MYO1B: variants seen among roughly 807,000 people sequenced by gnomAD.
MYO1B encodes unconventional myosin-Ib.
MYO1B carries 72 observed loss-of-function variants against 159.7 expected under a neutral mutation model. The ratio of observed to expected loss-of-function variants is 0.45; its 90% CI spans 0.37 to 0.55. The LOEUF (loss-of-function observed/expected upper bound fraction) is 0.55, where lower values mean the gene tolerates loss of function less well. MYO1B is among the 20% of genes least tolerant of loss of function. MYO1B has a pLI of 0.00. For synonymous variants in MYO1B, 468 were observed against 473.8 expected, an observed-to-expected ratio of 0.99 and a Z score of 0.16; for missense variants, 1,062 against 1,364.8, an observed-to-expected ratio of 0.78 and a Z score of 3.50.
At chr2:191,386,219 A>G (rs1695392002) in intron 16 of MYO1B, 135 bp downstream of exon 16, 1 of 729,704 alleles carries the variant, frequency 1.4e-6, no homozygotes. Flanking sequence ...TGAATCGATA[A>G]ATGTTCAATA....
intron 13 of MYO1B, among the ~76,000 whole-genome samples, chr2:191,378,253 G>A (rs1694832578): frequency 6.6e-6 from 1 of 152,074 alleles, no homozygotes; most frequent in Non-Finnish European, 1.5e-5. Context: ...GGGTGGATGT[G>A]GACCTTGGAT....
At chr2:191,400,500 T>G in intron 22 of MYO1B, 32 bp downstream of exon 22, 2 of 1,610,198 alleles carry the variant, frequency 1.2e-6, no homozygotes, top group Non-Finnish European at 1.7e-6. Context: ...AGGCGGTGGG[T>G]CAGCAGTAAC....
intron 1 of MYO1B, among the ~76,000 whole-genome samples, chr2:191,273,204 C>T (rs1020754503): frequency 1.4e-4 from 21 of 152,226 alleles, no homozygotes; most frequent in East Asian, 7.7e-4. Flanking sequence ...CTGCAACCTC[C>T]ACTTCCTGGG....
At chr2:191,352,187 TG>T (rs1488082664) in intron 7 of MYO1B, among the ~76,000 whole-genome samples, 1 of 152,234 alleles carries the variant, frequency 6.6e-6, no homozygotes, top group Admixed American at 6.5e-5. Flanking sequence ...ATATGGCAGC[TG>T]ATCAGAGCTA....
chr2:191,371,734 G>C (rs1320629716), intron 13 of MYO1B, among the ~76,000 whole-genome samples: 1 of 152,154 alleles, frequency 6.6e-6, no homozygotes, highest in Non-Finnish European at 1.5e-5. Context: ...AATAAATGTG[G>C]TAAGTCTCTG....
At chr2:191,398,821 A>G (rs1196191269) in intron 21 of MYO1B, among the ~76,000 whole-genome samples, 2 of 141,848 alleles carry the variant, frequency 1.4e-5, no homozygotes, top group African/African-American at 5.3e-5. Context: ...CTCCCAGACG[A>G]TGGGCGGCCA....
chr2:191,368,562 T>C lies in MYO1B; in HGVS notation c.1033-980T>C, dbSNP rs923887896. Among the ~76,000 whole-genome samples the C allele has an allele frequency of 2.0e-5, 3 of 152,232 alleles. No individual in the cohort carries two copies. The East Asian group carries it at 5.8e-4, about 29-fold the overall frequency. ...GAGTCATAGAGATGCATATGTCTTC[T>C]GCCTCTTTGTCAAGTAGTTCTGAAT... On this transcript the variant is annotated intron_variant, in intron 11 of 30. Coordinates refer to ENST00000392318, the MANE Select transcript of MYO1B (RefSeq NM_001130158.3).
At chr2:191,375,502 T>TAGAC (rs1553556419) in intron 13 of MYO1B, among the ~76,000 whole-genome samples, 3 of 151,924 alleles carry the variant, frequency 2.0e-5, no homozygotes, top group Admixed American at 2.0e-4. Flanking sequence ...GATAGATAGA[T>TAGAC]AGATAGATAG....
At chr2:191,297,306 G>GCA (rs1689041723) in intron 3 of MYO1B, among the ~76,000 whole-genome samples, 1 of 152,188 alleles carries the variant, frequency 6.6e-6, no homozygotes, top group South Asian at 2.1e-4. Context: ...ATTGTCAGTT[G>GCA]CTGCAAGGGG....
chr2:191,417,692 T>C (rs1229665956), intron 30 of MYO1B, among the ~76,000 whole-genome samples: 1 of 152,238 alleles, frequency 6.6e-6, no homozygotes, highest in Non-Finnish European at 1.5e-5. Flanking sequence ...GGAACATTGC[T>C]TGTACAGGAT....
Position 191,416,142 on chromosome 2 carries a change from T to G in MYO1B, c.3187T>G (p.Phe1063Val). The G allele has an allele frequency of 6.2e-7, 1 of 1,614,138 alleles. No homozygotes were observed. Among genetic ancestry groups the G allele is most frequent in the Non-Finnish European group, 8.5e-7 (1 of 1,180,016 alleles). ...CTCAGAAGCAGCTAGTAAAGGAGAC[T>G]TTCTCTTCAGCAGTGATCACCTGAT... ...EGSEAASKGD[F>V]LFSSDHLIEM... Residue 1063 changes from phenylalanine (F) to valine (V), a missense_variant, in exon 30 of 31, where the codon TTT becomes GTT. This residue lies in a region of MYO1B where 609 missense variants were observed against 744.4 expected (regional missense o/e 0.82). Transcript: ENST00000392318.
At chr2:191,359,473 T>A (rs186254354) in intron 7 of MYO1B, among the ~76,000 whole-genome samples, 50 of 152,314 alleles carry the variant, frequency 3.3e-4, no homozygotes, top group African/African-American at 1.2e-3. Context: ...ATTTTTGTTC[T>A]TTTTCAGTTG....
At chr2:191,312,204 G>T (rs1690044017) in intron 3 of MYO1B, among the ~76,000 whole-genome samples, 1 of 152,200 alleles carries the variant, frequency 6.6e-6, no homozygotes, top group African/African-American at 2.4e-5. Flanking sequence ...GAGAAATTGA[G>T]TTCGATAAAT....
At chr2:191,351,899 A>G (rs1000630960) in intron 7 of MYO1B, among the ~76,000 whole-genome samples, 17 of 152,192 alleles carry the variant, frequency 1.1e-4, no homozygotes, top group African/African-American at 3.9e-4. Flanking sequence ...ATAAATAAAT[A>G]AATAAATAAG....
chr2:191,383,473 T>TATATATATATATATATATAC (rs1170563038), intron 15 of MYO1B, 131 bp downstream of exon 15: 2 of 119,860 alleles, frequency 1.7e-5, no homozygotes, highest in African/African-American at 7.7e-5. Flanking sequence ...TATATATATA[T>TATATATATATATATATATAC]ACACACACAC....
rs1378469168 is a variant in MYO1B, at chr2:191,402,638, A to G, written c.2476A>G (p.Arg826Gly). 6.2e-7 allele frequency: 1 copy of G among 1,613,594 alleles called. No individual in the cohort carries two copies. The highest frequency in any genetic ancestry group is 8.5e-7 in the Non-Finnish European group (1 of 1,179,690). ...WAYWLGSKAR[R>G]ELKRLKEEAR... The stretch of plus-strand genomic sequence containing the variant: ...ACTATCTAAAACATTCTAGGCTCGA[A>G]GGGAATTGAAACGCTTGAAGGAGGA... Residue 826 changes from arginine (R) to glycine (G), a missense_variant, in exon 24 of 31, where the codon AGG (arginine) becomes GGG (glycine). This residue lies in a region of MYO1B where 609 missense variants were observed against 744.4 expected (regional missense o/e 0.82). Coordinates refer to ENST00000392318, the MANE Select transcript of MYO1B (RefSeq NM_001130158.3).
rs1318408963 is a variant in MYO1B, at chr2:191,387,276, G to A, written c.1607G>A (p.Arg536Gln). ...GACAAAAACAATGACCTTCTCTATC[G>A]AGACCTGTCCCAAGCCATGTGGAAG... Reference protein sequence around the residue: ...FVDKNNDLLYRDLSQAMWKAS... With the variant: ...FVDKNNDLLYQDLSQAMWKAS... Residue 536 changes from arginine to glutamine, a missense_variant, in exon 17 of 31, where the codon CGA becomes CAA. Physicochemically the swap from Arg to Gln is conservative, Grantham distance 43. This residue lies in a region of MYO1B where 609 missense variants were observed against 744.4 expected (regional missense o/e 0.82). Coordinates refer to ENST00000392318, the MANE Select transcript of MYO1B (RefSeq NM_001130158.3). The A allele has an allele frequency of 1.2e-6, 2 of 1,614,084 alleles. No individual in the cohort carries two copies.
intron 3 of MYO1B, among the ~76,000 whole-genome samples, chr2:191,311,067 C>A (rs1315002766): frequency 6.6e-6 from 1 of 152,116 alleles, no homozygotes; most frequent in Non-Finnish European, 1.5e-5. Flanking sequence ...GAAGCCACCC[C>A]CTTAGTATAT....
chr2:191,370,398 A>C (rs1694285675), intron 13 of MYO1B, 106 bp downstream of exon 13: 1 of 770,178 alleles, frequency 1.3e-6, no homozygotes, highest in South Asian at 1.7e-5. Context: ...TTGAATCTAC[A>C]AATAATCCTT....
Sources: gnomAD v4.1 joint callset for allele counts (sites outside exome capture counted in the v4.1 genomes callset) on GRCh38, gnomAD v4.1.1 for gene constraint, gnomAD v4.1.1 regional missense constraint, MANE v1.5 for transcripts, NCBI Gene and HGNC (gene_info 2026-07-23, HGNC 2026-07-21) for gene names.